The following FYCO1 variants were observed in gnomAD, a reference collection of about 807,000 sequenced individuals.
The protein encoded by FYCO1 is FYVE and coiled-coil domain-containing protein 1.
A neutral mutation model predicts 165.1 loss-of-function variants in FYCO1; 122 were observed. The observed-to-expected ratio is 0.74, with a 90% CI of 0.64 to 0.86. The LOEUF (loss-of-function observed/expected upper bound fraction) is 0.86, where lower values mean the gene tolerates loss of function less well. Ranked by LOEUF, FYCO1 falls within the 40% of genes least tolerant of loss-of-function variation. FYCO1 has a pLI of 0.00. For missense variants in FYCO1, 1,702 were observed against 1,810.3 expected (o/e 0.94, Z 1.09); for synonymous variants, 648 against 742.5 (o/e 0.87, Z 2.07).
At chr3:45,952,603 C>T (rs1705095572) in intron 14 of FYCO1, among the ~76,000 whole-genome samples, 2 of 152,194 alleles carry the variant, frequency 1.3e-5, no homozygotes, top group Non-Finnish European at 2.9e-5. Context: ...CTGGCAGTTT[C>T]CTTTCCCTGG....
chr3:45,941,781 G>A (rs1221253170), intron 14 of FYCO1, among the ~76,000 whole-genome samples: 1 of 152,248 alleles, frequency 6.6e-6, no homozygotes, highest in African/African-American at 2.4e-5. Context: ...GGCCAAGGGT[G>A]CTTGACAAGG....
At chr3:45,989,166 G>A (rs1315186296) in intron 1 of FYCO1, among the ~76,000 whole-genome samples, 1 of 152,186 alleles carries the variant, frequency 6.6e-6, no homozygotes, top group Non-Finnish European at 1.5e-5. Context: ...GGCTGACCCA[G>A]AGAGGACACC....
intron 2 of FYCO1, chr3:45,984,636 C>A: frequency 1.6e-6 from 1 of 639,630 alleles, no homozygotes. Flanking sequence ...TGTTTACAAA[C>A]TGGCTTTACA....
At chr3:45,932,252 C>A (rs1306558789) in intron 15 of FYCO1, among the ~76,000 whole-genome samples, 1 of 152,230 alleles carries the variant, frequency 6.6e-6, no homozygotes, top group African/African-American at 2.4e-5. Context: ...GAGACAGAGC[C>A]TCCAGTGCAG....
intron 6 of FYCO1, among the ~76,000 whole-genome samples, chr3:45,970,385 T>C (rs1706354853): frequency 6.6e-6 from 1 of 152,204 alleles, no homozygotes; most frequent in South Asian, 2.1e-4. Context: ...AAACCTAGTC[T>C]CCAAAACCCA....
Position 45,918,172 on chromosome 3 carries a change from T to C in FYCO1, c.*3593A>G, listed in dbSNP as rs1702976556. 2 of 152,648 alleles carry C rather than the reference T, an allele frequency of 1.3e-5. No individual in the cohort carries two copies. Among genetic ancestry groups the C allele is most frequent in the Non-Finnish European group, 1.5e-5 (1 of 68,042 alleles). The allele number at this position is 152,648 out of a possible 1,614,324, so 9.5% of individuals were successfully genotyped here. On this transcript the variant is annotated 3_prime_UTR_variant, in exon 18 of 18. Transcript: ENST00000296137. ...AATTCCAAATGTTGAGCCTTCCAAA[T>C]GAGGCTTGGGTATTGCTCTGCAGCC... is the stretch of plus-strand genomic sequence containing the variant.
chr3:45,955,717 T>A (rs1029584080), intron 13 of FYCO1, among the ~76,000 whole-genome samples: 2 of 152,218 alleles, frequency 1.3e-5, no homozygotes, highest in Admixed American at 6.5e-5. Flanking sequence ...AAAATCTTAT[T>A]AAGAAAGAAC....
chr3:45,966,382 C>A lies in FYCO1; in HGVS notation c.2952G>T (p.Gln984His), dbSNP rs746137361. 1 of 1,614,018 alleles carries A rather than the reference C, an allele frequency of 6.2e-7. No homozygotes were observed. The highest frequency in any genetic ancestry group is 1.1e-5 in the South Asian group (1 of 91,072). ...GGAGGCTCTGGGCCCGCTGCTCTGCCTGGGCGAGCTGGGCCTGCAGGCCAG... is the reference window on the plus strand; with the variant it reads ...GGAGGCTCTGGGCCCGCTGCTCTGCATGGGCGAGCTGGGCCTGCAGGCCAG... The part of the protein sequence containing the change: ...SLPGLQAQLA[Q>H]AEQRAQSLQE... Residue 984 changes from glutamine to histidine, a missense_variant, in exon 8 of 18, where the codon CAG (glutamine) becomes CAT (histidine). Transcript: ENST00000296137.
At chr3:45,959,365 G>A in intron 12 of FYCO1, 28 bp downstream of exon 12, 1 of 1,613,254 alleles carries the variant, frequency 6.2e-7, no homozygotes, top group South Asian at 1.1e-5. Context: ...CCAGGGTGTT[G>A]GTGCCAACCC....
At chr3:45,968,748 A>G in intron 7 of FYCO1, 45 bp from the exon 8 acceptor site, 1 of 1,612,224 alleles carries the variant, frequency 6.2e-7, no homozygotes, top group Non-Finnish European at 8.5e-7. Context: ...GGATGAAGCT[A>G]CAGGGCTATT....
In FYCO1 at chr3:45,936,507, A is replaced by G; in HGVS notation, c.3981T>C (p.Thr1327=). The part of the protein sequence containing the change: ...TTSTSLTPED[T]EDMPVGQDSE... Reference sequence around the variant, plus strand: ...AATCCTGCCCCACGGGCATGTCTTCAGTGTCCTCAGGCGTTAGCGAGGTTG... The same window carrying G: ...AATCCTGCCCCACGGGCATGTCTTCGGTGTCCTCAGGCGTTAGCGAGGTTG... The change falls in exon 15 of 18, where the codon ACT becomes ACC. Residue 1327 remains threonine (T), a synonymous_variant. Coordinates refer to ENST00000296137, the MANE Select transcript of FYCO1 (RefSeq NM_024513.4). 1 of 1,614,048 alleles carries G rather than the reference A, an allele frequency of 6.2e-7. No homozygotes were observed.
intron 14 of FYCO1, among the ~76,000 whole-genome samples, chr3:45,952,261 C>G (rs1319690855): frequency 2.6e-5 from 4 of 152,160 alleles, no homozygotes; most frequent in Non-Finnish European, 5.9e-5. Flanking sequence ...TGTTTAATCT[C>G]TCCCGGATCC....
chr3:45,977,790 C>A (rs1706848627), intron 4 of FYCO1, among the ~76,000 whole-genome samples: 1 of 152,138 alleles, frequency 6.6e-6, no homozygotes, highest in Non-Finnish European at 1.5e-5. Context: ...CTACCGCCTA[C>A]CTCAAAGGGG....
Position 45,968,359 on chromosome 3 carries a change from T to C in FYCO1, c.975A>G (p.Gly325=). The C allele has an allele frequency of 6.2e-7, 1 of 1,613,662 alleles. No homozygotes were observed. Among genetic ancestry groups the C allele is most frequent in the African/African-American group, 1.3e-5 (1 of 75,048 alleles). The change falls in exon 8 of 18, where the codon GGA becomes GGG. Residue 325 remains glycine, a synonymous_variant. Transcript: ENST00000296137. ...LQTCLQGLEL[G]AAEKEEDYHT... is the part of the protein sequence containing the mutation. ...GGTAGTCCTCCTCCTTCTCTGCTGCTCCTAGCTCCAGGCCCTGCAGGCATG... is the reference window on the plus strand; with the variant it reads ...GGTAGTCCTCCTCCTTCTCTGCTGCCCCTAGCTCCAGGCCCTGCAGGCATG...
chr3:45,949,991 C>T lies in FYCO1; in HGVS notation c.3944+5258G>A, dbSNP rs114856084. ...ACATGCAGATTACAAAGGGCCTTCA[C>T]GTCTTGATCTCACTCCATCCACATC... is the stretch of plus-strand genomic sequence containing the variant. On this transcript the variant is annotated intron_variant, in intron 14 of 17. Transcript: ENST00000296137. Among the ~76,000 whole-genome samples the T allele has an allele frequency of 3.9e-3, 595 of 152,294 alleles. 9 individuals are homozygous for T. Among genetic ancestry groups the T allele is most frequent in the African/African-American group, 0.013 (549 of 41,564 alleles).
Position 45,976,715 on chromosome 3 carries a change from T to C in FYCO1, c.289-1370A>G, listed in dbSNP as rs189847748. ...AATATTGGCATTAAATGCCAGTGAT[T>C]GAGGCTGTACCACATATTTCCTGAT... On this transcript the variant is annotated intron_variant, in intron 4 of 17. Coordinates refer to ENST00000296137, the MANE Select transcript of FYCO1 (RefSeq NM_024513.4). Among the ~76,000 whole-genome samples, 203 of 152,360 alleles carry C rather than the reference T, an allele frequency of 1.3e-3. 1 individual carries two copies. The highest frequency in any genetic ancestry group is 0.01 in the Middle Eastern group (3 of 294).
rs1238486407 is a variant in FYCO1 at position 45,987,352 on chromosome 3, ATATAAC to A, written c.-112-2336_-112-2331del. ...GACAAACATACACTTGTCACAACTC[ATATAAC>A]TATAAGTTATATCTCACAAAAAAGG... On this transcript the variant is annotated intron_variant, in intron 1 of 17. Transcript: ENST00000296137. Among the ~76,000 whole-genome samples the A allele has an allele frequency of 3.3e-5, 5 of 152,224 alleles. No homozygotes were observed. The East Asian group carries it at 5.8e-4, about 18-fold the overall frequency.
In FYCO1 at chr3:45,955,218, C is replaced by CT. The variant is rs755805679; in HGVS notation, c.3944+30_3944+31insA. ...GCACAGGGGCCAGGCCTGTAATGAG[C>CT]ACTCAGGAAATGGGGGTGACCTCTA... On this transcript the variant is annotated intron_variant, in intron 14 of 17. Transcript: ENST00000296137. 71 of 1,612,026 alleles carry CT rather than the reference C, an allele frequency of 4.4e-5. No individual in the cohort carries two copies. In the East Asian group the frequency reaches 1.5e-3, roughly 33 times the overall value.
chr3:45,926,679 T>C (rs1442013423), intron 16 of FYCO1, among the ~76,000 whole-genome samples: 1 of 152,158 alleles, frequency 6.6e-6, no homozygotes, highest in East Asian at 1.9e-4. Flanking sequence ...TAATAGAATA[T>C]TCCGGCCAGG....
Sources: gnomAD v4.1 joint callset for allele counts (sites outside exome capture counted in the v4.1 genomes callset) on GRCh38, gnomAD v4.1.1 for gene constraint, MANE v1.5 for transcripts, NCBI Gene and HGNC (gene_info 2026-07-23, HGNC 2026-07-21) for gene names.